The following NPAS3 variants were observed in gnomAD, a reference collection of about 807,000 sequenced individuals.
NPAS3 encodes neuronal PAS domain-containing protein 3.
A neutral mutation model predicts 73.1 loss-of-function variants in NPAS3; 14 were observed. The observed-to-expected ratio is 0.19, with a 90% CI of 0.13 to 0.30. The LOEUF (loss-of-function observed/expected upper bound fraction) is 0.30. Ranked by LOEUF, NPAS3 falls within the 10% of genes least tolerant of loss-of-function variation. The probability of loss-of-function intolerance (pLI) is 1.00; values close to 1 mark genes in which losing one functional copy is unlikely to be tolerated. For missense variants in NPAS3, 1,096 were observed against 1,250.0 expected (o/e 0.88, Z 1.86); for synonymous variants, 620 against 541.5 (o/e 1.14, Z -2.01).
chr14:33,217,258 G>A (rs533555723), intron 3 of NPAS3, among the ~76,000 whole-genome samples: 4 of 152,160 alleles, frequency 2.6e-5, no homozygotes, highest in Admixed American at 2.6e-4. Context: ...CTGACACGTG[G>A]GATTATTAAT....
intron 2 of NPAS3, among the ~76,000 whole-genome samples, chr14:33,108,699 T>C (rs1473863939): frequency 6.6e-6 from 1 of 152,168 alleles, no homozygotes; most frequent in African/African-American, 2.4e-5. Context: ...GTGAAGTATG[T>C]GTAATAGAGC....
intron 3 of NPAS3, among the ~76,000 whole-genome samples, chr14:33,352,311 A>G (rs17100755): frequency 1.6e-3 from 237 of 152,346 alleles, no homozygotes; most frequent in African/African-American, 5.2e-3. Context: ...AAAGTCATAT[A>G]CACCACTTTG....
At chr14:33,495,565 C>G (rs2052136755) in intron 4 of NPAS3, among the ~76,000 whole-genome samples, 1 of 151,986 alleles carries the variant, frequency 6.6e-6, no homozygotes, top group Admixed American at 6.6e-5. Flanking sequence ...CTAAAATTGA[C>G]AGTGGGGTGT....
chr14:33,235,128 T>G (rs2139796637), intron 3 of NPAS3, among the ~76,000 whole-genome samples: 2 of 152,208 alleles, frequency 1.3e-5, no homozygotes, highest in East Asian at 3.9e-4. Flanking sequence ...ATTTCTTAAG[T>G]TTAAAACAAT....
intron 3 of NPAS3, among the ~76,000 whole-genome samples, chr14:33,217,537 C>T (rs1163433899): frequency 6.6e-6 from 1 of 151,936 alleles, no homozygotes; most frequent in African/African-American, 2.4e-5. Flanking sequence ...ATATATTATT[C>T]AAATGAAATG....
intron 5 of NPAS3, among the ~76,000 whole-genome samples, chr14:33,562,768 T>C (rs1177905993): frequency 6.6e-6 from 1 of 152,140 alleles, no homozygotes; most frequent in Non-Finnish European, 1.5e-5. Context: ...TGAGTCCTAA[T>C]AGAGAAATAG....
intron 1 of NPAS3, among the ~76,000 whole-genome samples, chr14:33,000,372 C>G (rs1291687422): frequency 1.3e-5 from 2 of 152,150 alleles, no homozygotes; most frequent in Non-Finnish European, 2.9e-5. Flanking sequence ...TTTCTCCATA[C>G]TGCATTATAT....
chr14:33,342,911 GC>G (rs1295501953), intron 3 of NPAS3, among the ~76,000 whole-genome samples: 1 of 151,792 alleles, frequency 6.6e-6, no homozygotes, highest in Non-Finnish European at 1.5e-5. Flanking sequence ...CCATTTTTTA[GC>G]CCATATGTGT....
intron 2 of NPAS3, among the ~76,000 whole-genome samples, chr14:33,145,874 T>G (rs898514838): frequency 6.6e-6 from 1 of 152,168 alleles, no homozygotes; most frequent in African/African-American, 2.4e-5. Flanking sequence ...AAATGTGACC[T>G]CTTGTTGTTT....
At chr14:33,680,332 TTG>T (rs940640761) in intron 6 of NPAS3, among the ~76,000 whole-genome samples, 1 of 152,182 alleles carries the variant, frequency 6.6e-6, no homozygotes, top group African/African-American at 2.4e-5. Context: ...TGTAAAAGTG[TTG>T]TGTTTTACTC....
At chr14:33,719,030 AG>A (rs1304135507) in intron 6 of NPAS3, among the ~76,000 whole-genome samples, 3 of 152,144 alleles carry the variant, frequency 2.0e-5, no homozygotes, top group African/African-American at 7.2e-5. Context: ...TGGGAGGCTG[AG>A]GTTGGAGGAT....
intron 8 of NPAS3, among the ~76,000 whole-genome samples, chr14:33,777,472 A>G (rs2062855352): frequency 6.6e-6 from 1 of 151,716 alleles, no homozygotes; most frequent in Admixed American, 6.6e-5. Flanking sequence ...GGGCCAGAAA[A>G]CTCTCCAACA....
At chr14:33,049,666 G>T (rs2040634007) in intron 1 of NPAS3, among the ~76,000 whole-genome samples, 1 of 152,170 alleles carries the variant, frequency 6.6e-6, no homozygotes, top group Non-Finnish European at 1.5e-5. Flanking sequence ...TACAAGATGA[G>T]ATTTGGGTGG....
intron 1 of NPAS3, among the ~76,000 whole-genome samples, chr14:32,942,025 A>C (rs957576343): frequency 1.3e-5 from 2 of 152,266 alleles, no homozygotes; most frequent in African/African-American, 4.8e-5. Context: ...GCTTCAAGTA[A>C]GTGAGTAATT....
chr14:33,675,066 T>C (rs1269735759), intron 5 of NPAS3, among the ~76,000 whole-genome samples: 6 of 109,920 alleles, frequency 5.5e-5, no homozygotes, highest in Admixed American at 1.9e-4. Flanking sequence ...TAGGTAAATA[T>C]CCACCAAGAA....
intron 2 of NPAS3, among the ~76,000 whole-genome samples, chr14:33,106,585 A>T (rs2042728053): frequency 6.6e-6 from 1 of 152,192 alleles, no homozygotes. Context: ...GAATGAGACC[A>T]CCTTAGTCTT....
At position 33,800,384 on chromosome 14, in the gene NPAS3, T is replaced by A; in HGVS notation, c.2077T>A (p.Ser693Thr). ...GCCCCCCAGCTCTGAGCACTTCCCG[T>A]CCCCGCAGGGCGGCGGCGGTGGGGG... The change falls in exon 12 of 12, where the codon TCC (serine) becomes ACC (threonine). Residue 693 changes from serine (S) to threonine (T), a missense_variant. Physicochemically the swap from Ser to Thr is moderately conservative, Grantham distance 58. This residue lies in a region of NPAS3 where 698 missense variants were observed against 676.7 expected (regional missense o/e 1.03). Coordinates refer to ENST00000356141, the Ensembl canonical transcript of NPAS3. The surrounding 1 kb of genome is among the most constrained non-coding windows in gnomAD (Gnocchi z 6.5). 1 of 1,574,756 alleles carries A rather than the reference T, an allele frequency of 6.4e-7. No homozygotes were observed. The highest frequency in any genetic ancestry group is 8.6e-7 in the Non-Finnish European group (1 of 1,157,910).
intron 2 of NPAS3, among the ~76,000 whole-genome samples, chr14:33,072,017 A>G (rs2041501809): frequency 6.6e-6 from 1 of 152,086 alleles, no homozygotes; most frequent in Non-Finnish European, 1.5e-5. Context: ...CAGCCTCCCC[A>G]GTAGCTGAGA....
In NPAS3 at chr14:32,978,972, A is replaced by G. The variant is rs533998919; in HGVS notation, c.50+39606A>G. On this transcript the variant is annotated intron_variant, in intron 1 of 11. Transcript: ENST00000356141. ...CTGTCTGCTTGTGTTTGTATCTCCCATATCTGGGACATCGTAAGGGCTCAA... is the reference window on the plus strand; with the variant it reads ...CTGTCTGCTTGTGTTTGTATCTCCCGTATCTGGGACATCGTAAGGGCTCAA... 3.3e-5 allele frequency among the ~76,000 whole-genome samples: 5 copies of G among 152,228 alleles called. No homozygotes were observed. The South Asian group carries it at 6.2e-4, about 19-fold the overall frequency.
Sources: gnomAD v4.1 joint callset for allele counts (sites outside exome capture counted in the v4.1 genomes callset) on GRCh38, gnomAD v4.1.1 for gene constraint, gnomAD v4.1.1 regional missense constraint, Gnocchi (gnomAD v3.1) non-coding constraint, MANE v1.5 for transcripts, NCBI Gene and HGNC (gene_info 2026-07-23, HGNC 2026-07-21) for gene names.